Variants in SUCO observed in about 807,000 individuals in gnomAD.
SUCO encodes the protein SUN domain-containing ossification factor.
SUCO carries 57 observed loss-of-function variants against 148.1 expected under a neutral mutation model. The ratio of observed to expected loss-of-function variants is 0.38; its 90% CI spans 0.31 to 0.48. The LOEUF (loss-of-function observed/expected upper bound fraction) is 0.48. Among genes scored for constraint, SUCO ranks in the 20% least tolerant of loss-of-function variants. The pLI, the probability that SUCO is intolerant of heterozygous loss-of-function variation, is 0.96. For synonymous variants in SUCO, 470 were observed against 502.7 expected (o/e 0.93, Z 0.87); for missense variants, 1,331 against 1,468.2 (o/e 0.91, Z 1.53).
intron 1 of SUCO, among the ~76,000 whole-genome samples, chr1:172,542,242 C>T (rs1392899311): frequency 6.6e-6 from 1 of 152,056 alleles, no homozygotes; most frequent in African/African-American, 2.4e-5. Context: ...ATTAGCCGGG[C>T]ATGGTAGCGC....
At chr1:172,537,256 C>T (rs1652094690) in intron 1 of SUCO, among the ~76,000 whole-genome samples, 1 of 151,930 alleles carries the variant, frequency 6.6e-6, no homozygotes, top group Non-Finnish European at 1.5e-5. Context: ...GTAATTAATG[C>T]AAGTTAGATA....
At chr1:172,570,430 T>G (rs1041865330) in intron 8 of SUCO, 55 of 495,046 alleles carry the variant, frequency 1.1e-4, no homozygotes, top group Middle Eastern at 5.2e-4. Context: ...ATTTTTTTCT[T>G]TAAAGTAACA....
chr1:172,609,721 G>A, intron 23 of SUCO, 95 bp from the exon 24 acceptor site: 2 of 1,504,928 alleles, frequency 1.3e-6, no homozygotes, highest in Non-Finnish European at 1.8e-6. Context: ...TTTTCACCAG[G>A]AGGTGGCACT....
Position 172,572,076 on chromosome 1 carries a change from G to GT in SUCO, c.1049+1347dup, listed in dbSNP as rs1327825152. Among the ~76,000 whole-genome samples, 134 of 67,598 alleles carry GT rather than the reference G, an allele frequency of 2.0e-3. 13 individuals are homozygous for GT. The highest frequency in any genetic ancestry group is 0.01 in the African/African-American group (132 of 12,676). 44.3% of individuals were successfully genotyped at this position (67,598 alleles called of 152,430 possible). The stretch of plus-strand genomic sequence containing the variant: ...GCCAGCCGCCCCGTCCGGGAGGGAG[G>GT]TGGGGGGTCAGCCCCCGCCTGGCAA... On this transcript the variant is annotated intron_variant, in intron 9 of 23. Coordinates refer to ENST00000263688, the MANE Select transcript of SUCO (RefSeq NM_014283.5).
rs1006955614 is a variant in SUCO, at chr1:172,543,273, CTTTG to C, written c.63-8234_63-8231del. Among the ~76,000 whole-genome samples, 9 of 152,276 alleles carry C rather than the reference CTTTG, an allele frequency of 5.9e-5. No individual in the cohort carries two copies. In the East Asian group the frequency reaches 7.7e-4, roughly 13 times the overall value. ...TATTTTCTGCTTTTCCTAATAGAGA[CTTTG>C]TTTGAGCATGACTGATCTGTTGGCC... On this transcript the variant is annotated intron_variant, in intron 1 of 23. Transcript: ENST00000263688.
Position 172,585,813 on chromosome 1 carries a change from A to G in SUCO, c.1568-45A>G, listed in dbSNP as rs200993555. 60 of 1,329,490 alleles carry G rather than the reference A, an allele frequency of 4.5e-5. No individual in the cohort carries two copies. The East Asian group carries it at 9.4e-4, about 21-fold the overall frequency. The allele number at this position is 1,329,490 out of a possible 1,614,324, so 82.4% of individuals were successfully genotyped here. A position where few individuals can be genotyped will look rare whatever the true frequency, so the allele number is the denominator to read the frequency against. Reference sequence around the variant, plus strand: ...TTTTAGTAAAATATTTTCATGGTACAGCTTTTAAAATTGAACTCAACATTG... The same window carrying G: ...TTTTAGTAAAATATTTTCATGGTACGGCTTTTAAAATTGAACTCAACATTG... On this transcript the variant is annotated intron_variant, in intron 16 of 23. Coordinates refer to ENST00000263688, the MANE Select transcript of SUCO (RefSeq NM_014283.5).
chr1:172,548,852 A>G (rs1653065835), intron 1 of SUCO, among the ~76,000 whole-genome samples: 1 of 151,956 alleles, frequency 6.6e-6, no homozygotes, highest in African/African-American at 2.4e-5. Flanking sequence ...AAAATTCTGT[A>G]TCTTTGAGCT....
chr1:172,555,233 G>A (rs1047155994), intron 3 of SUCO: 15 of 173,178 alleles, frequency 8.7e-5, no homozygotes, highest in Non-Finnish European at 6.9e-5. Flanking sequence ...TATAGATGCA[G>A]TGATAAAAGT....
intron 6 of SUCO, among the ~76,000 whole-genome samples, chr1:172,564,902 AT>A (rs1014157994): frequency 6.6e-6 from 1 of 152,188 alleles, no homozygotes; most frequent in Non-Finnish European, 1.5e-5. Context: ...TAAACAAAAC[AT>A]TTTTTCCCAA....
chr1:172,547,665 A>G (rs905083971), intron 1 of SUCO, among the ~76,000 whole-genome samples: 3 of 152,238 alleles, frequency 2.0e-5, no homozygotes, highest in Non-Finnish European at 4.4e-5. Context: ...TCCAAGTTAA[A>G]TGATACTGAA....
upstream of SUCO, chr1:172,532,749 C>T: frequency 6.2e-7 from 1 of 1,613,916 alleles, no homozygotes; most frequent in Non-Finnish European, 8.5e-7. Flanking sequence ...GGAAGGCAAA[C>T]TACAACTCCC....
chr1:172,587,765 A>C (rs751409213), intron 17 of SUCO, among the ~76,000 whole-genome samples: 3 of 151,986 alleles, frequency 2.0e-5, no homozygotes, highest in African/African-American at 4.8e-5. Context: ...ATGCTTAGTA[A>C]TTTTTCAGAA....
At chr1:172,594,669 T>C (rs551073314) in intron 19 of SUCO, among the ~76,000 whole-genome samples, 1 of 152,338 alleles carries the variant, frequency 6.6e-6, no homozygotes, top group South Asian at 2.1e-4. Context: ...TTCTGTTCTT[T>C]TACATTTGCT....
chr1:172,542,099 G>A (rs1007204868), intron 1 of SUCO, among the ~76,000 whole-genome samples: 3 of 152,150 alleles, frequency 2.0e-5, no homozygotes, highest in Non-Finnish European at 2.9e-5. Context: ...GGCCTGGAGT[G>A]CCAGGCACGG....
intron 1 of SUCO, among the ~76,000 whole-genome samples, chr1:172,546,455 A>C (rs1652864491): frequency 6.6e-6 from 1 of 152,214 alleles, no homozygotes; most frequent in African/African-American, 2.4e-5. Context: ...CACAAAGGAG[A>C]AGTTCTGATT....
At chr1:172,595,492 C>T (rs545657128) in intron 19 of SUCO, among the ~76,000 whole-genome samples, 156 of 152,278 alleles carry the variant, frequency 1.0e-3, no homozygotes, top group Non-Finnish European at 1.6e-3. Flanking sequence ...CAAAATCTCA[C>T]GTTTGCTTGT....
At chr1:172,580,249 T>A (rs1655787706) in intron 15 of SUCO, among the ~76,000 whole-genome samples, 1 of 152,132 alleles carries the variant, frequency 6.6e-6, no homozygotes, top group Non-Finnish European at 1.5e-5. Flanking sequence ...TAGACCTCAG[T>A]GGACTTTTTA....
At chr1:172,602,452 T>C in intron 21 of SUCO, 5 of 982,522 alleles carry the variant, frequency 5.1e-6, no homozygotes, top group Non-Finnish European at 6.0e-6. Context: ...CCTGAAATAT[T>C]TGGTTGAGAA....
Position 172,546,125 on chromosome 1 carries a change from G to A in SUCO, c.63-5387G>A, listed in dbSNP as rs541719497. ...TAATTTTTGTATGTTTTGTAGAGAC[G>A]GAGTTTTGCCTTGTTGCCCAGGCTG... On this transcript the variant is annotated intron_variant, in intron 1 of 23. Transcript: ENST00000263688. Among the ~76,000 whole-genome samples, 5 of 152,120 alleles carry A rather than the reference G, an allele frequency of 3.3e-5. No individual in the cohort carries two copies. The South Asian group carries it at 1.0e-3, about 32-fold the overall frequency.
Sources: gnomAD v4.1 joint callset for allele counts (sites outside exome capture counted in the v4.1 genomes callset) on GRCh38, gnomAD v4.1.1 for gene constraint, MANE v1.5 for transcripts, NCBI Gene and HGNC (gene_info 2026-07-23, HGNC 2026-07-21) for gene names.